The following CDH9 variants were observed in gnomAD, a reference collection of about 807,000 sequenced individuals.
The protein encoded by CDH9 is cadherin 9.
CDH9 carries 28 observed loss-of-function variants against 70.9 expected under a neutral mutation model. The ratio of observed to expected loss-of-function variants is 0.40; its 90% CI spans 0.29 to 0.54. CDH9 has a LOEUF of 0.54. Ranked by LOEUF, CDH9 falls within the 20% of genes least tolerant of loss-of-function variation. CDH9 has a pLI of 0.59. For missense variants in CDH9, 874 were observed against 984.4 expected (o/e 0.89, Z 1.50); for synonymous variants, 409 against 343.1 (o/e 1.19, Z -2.12).
chr5:27,029,076 A>G (rs920805745), intron 1 of CDH9, among the ~76,000 whole-genome samples: 1 of 152,056 alleles, frequency 6.6e-6, no homozygotes, highest in Non-Finnish European at 1.5e-5. Context: ...ATCTCACTCA[A>G]TTTGACAACA....
chr5:27,001,849 C>CTCTCTT (rs1742776257), intron 1 of CDH9, among the ~76,000 whole-genome samples: 2 of 74,506 alleles, frequency 2.7e-5, no homozygotes, highest in Non-Finnish European at 7.9e-5. Context: ...CACACACTCT[C>CTCTCTT]TCTCTCTCTC....
At chr5:26,927,073 T>C (rs1026738951) in intron 2 of CDH9, among the ~76,000 whole-genome samples, 2 of 152,008 alleles carry the variant, frequency 1.3e-5, no homozygotes, top group Non-Finnish European at 1.5e-5. Context: ...GTGGGGTTTA[T>C]TCCTGGGATG....
chr5:26,977,602 T>G (rs962304316), intron 2 of CDH9, among the ~76,000 whole-genome samples: 2 of 151,814 alleles, frequency 1.3e-5, no homozygotes, highest in Admixed American at 6.6e-5. Context: ...TTTGAGGGAA[T>G]ACTTCATTTC....
At chr5:27,026,432 T>C (rs1743222961) in intron 1 of CDH9, among the ~76,000 whole-genome samples, 1 of 151,920 alleles carries the variant, frequency 6.6e-6, no homozygotes. Context: ...CCAATTCAAA[T>C]GTCACCTTCT....
Position 26,915,789 on chromosome 5 carries a change from A to G in CDH9, c.364T>C (p.Ser122Pro), listed in dbSNP as rs1477133135. ...GCCTTGGCACGAAGAATGTACAGAG[A>G]TTTTTCTTCTCTGTCTAGTTTCTTT... ...AAKKLDREEKSLYILRAKAID... is the reference protein window; with the variant it reads ...AAKKLDREEKPLYILRAKAID... The change falls in exon 3 of 12, where the codon TCT (serine) becomes CCT (proline). Residue 122 changes from serine to proline, a missense_variant. Physicochemically the swap from Ser to Pro is moderately conservative, Grantham distance 74. Transcript: ENST00000231021. 24 of 1,613,276 alleles carry G rather than the reference A, an allele frequency of 1.5e-5. No individual in the cohort carries two copies. Among genetic ancestry groups the G allele is most frequent in the Non-Finnish European group, 1.9e-5 (23 of 1,179,602 alleles).
chr5:27,030,106 G>A (rs935537914), intron 1 of CDH9, among the ~76,000 whole-genome samples: 1 of 151,930 alleles, frequency 6.6e-6, no homozygotes, highest in Non-Finnish European at 1.5e-5. Context: ...CTGTATACCT[G>A]CAGGACTGCA....
At chr5:27,035,164 TG>T (rs1031305660) in intron 1 of CDH9, among the ~76,000 whole-genome samples, 64 of 107,146 alleles carry the variant, frequency 6.0e-4, no homozygotes, top group African/African-American at 2.0e-3. Context: ...CACATAATAT[TG>T]CATATGTATA....
At chr5:27,018,271 A>T (rs1328454159) in intron 1 of CDH9, among the ~76,000 whole-genome samples, 1 of 151,866 alleles carries the variant, frequency 6.6e-6, no homozygotes, top group Non-Finnish European at 1.5e-5. Flanking sequence ...CACATATTGT[A>T]TATAGAATTT....
chr5:27,009,087 A>T (rs1742914215), intron 1 of CDH9, among the ~76,000 whole-genome samples: 1 of 152,170 alleles, frequency 6.6e-6, no homozygotes, highest in Admixed American at 6.6e-5. Flanking sequence ...GTTACCAAAT[A>T]TGAGAATGAT....
chr5:27,015,345 A>C (rs1460725081), intron 1 of CDH9, among the ~76,000 whole-genome samples: 1 of 151,800 alleles, frequency 6.6e-6, no homozygotes, highest in African/African-American at 2.4e-5. Context: ...AAAATGTAAA[A>C]ATGCATCAAT....
intron 1 of CDH9, among the ~76,000 whole-genome samples, chr5:27,017,186 A>G (rs967195714): frequency 3.3e-5 from 5 of 151,990 alleles, no homozygotes; most frequent in Admixed American, 2.6e-4. Flanking sequence ...AGAGACACAC[A>G]TACTCTTCAG....
intron 1 of CDH9, among the ~76,000 whole-genome samples, chr5:27,026,562 T>C (rs1351068788): frequency 6.6e-6 from 1 of 152,026 alleles, no homozygotes; most frequent in East Asian, 1.9e-4. Context: ...GTTATTTGTA[T>C]CACTCCTCTA....
chr5:27,011,268 G>A (rs1742950576), intron 1 of CDH9, among the ~76,000 whole-genome samples: 1 of 152,020 alleles, frequency 6.6e-6, no homozygotes, highest in African/African-American at 2.4e-5. Context: ...CTGGAACCTA[G>A]GAATCTGACC....
intron 1 of CDH9, chr5:27,028,416 T>C (rs1488052766): frequency 1.3e-5 from 2 of 151,844 alleles, no homozygotes; most frequent in Non-Finnish European, 2.9e-5. Flanking sequence ...ATAAATACCC[T>C]AGACTCCTCT....
At chr5:27,033,119 A>C (rs1454411275) in intron 1 of CDH9, among the ~76,000 whole-genome samples, 3 of 151,308 alleles carry the variant, frequency 2.0e-5, no homozygotes, top group African/African-American at 7.2e-5. Context: ...TCAAAAAATT[A>C]TCCAAGTCAA....
intron 1 of CDH9, among the ~76,000 whole-genome samples, chr5:27,011,652 A>G (rs1742960997): frequency 6.6e-6 from 1 of 152,032 alleles, no homozygotes. Flanking sequence ...GTTAATTTTT[A>G]TTATTCATGT....
At chr5:26,997,356 C>A (rs886483636) in intron 1 of CDH9, among the ~76,000 whole-genome samples, 1 of 151,958 alleles carries the variant, frequency 6.6e-6, no homozygotes, top group Non-Finnish European at 1.5e-5. Flanking sequence ...ATTGGATTGG[C>A]CCCTTGAATG....
At chr5:26,931,245 G>A (rs755996656) in intron 2 of CDH9, among the ~76,000 whole-genome samples, 2 of 152,106 alleles carry the variant, frequency 1.3e-5, no homozygotes, top group Non-Finnish European at 2.9e-5. Flanking sequence ...ATCCTGCTGC[G>A]AGGAGAAAAC....
chr5:27,022,243 TG>T (rs1257553210), intron 1 of CDH9, among the ~76,000 whole-genome samples: 2 of 152,086 alleles, frequency 1.3e-5, no homozygotes, highest in African/African-American at 2.4e-5. Context: ...TGATTGTACA[TG>T]TTTTTTTTAA....
Sources: allele counts gnomAD v4.1 joint callset (sites outside exome capture counted in the v4.1 genomes callset), GRCh38; gene constraint gnomAD v4.1.1; transcripts MANE v1.5; gene names NCBI Gene and HGNC (gene_info 2026-07-23, HGNC 2026-07-21).